The following EPHA5 variants were observed in gnomAD, a reference collection of about 807,000 sequenced individuals.
The protein encoded by EPHA5 is ephrin type-A receptor 5.
A neutral mutation model predicts 105.0 loss-of-function variants in EPHA5; 60 were observed. That is an observed-to-expected ratio of 0.57 (90% CI 0.46 to 0.71). EPHA5 has a LOEUF of 0.71. EPHA5 is among the 30% of genes least tolerant of loss of function. The pLI is 0.00. For missense variants in EPHA5, 1,218 were observed against 1,274.7 expected, an observed-to-expected ratio of 0.96 and a Z score of 0.68; for synonymous variants, 513 against 449.1, an observed-to-expected ratio of 1.14 and a Z score of -1.80.
At chr4:65,642,256 C>T (rs898636626) in intron 2 of EPHA5, among the ~76,000 whole-genome samples, 3 of 151,906 alleles carry the variant, frequency 2.0e-5, no homozygotes, top group African/African-American at 7.2e-5. Context: ...TATAGGTTCT[C>T]ATAGACAGAT....
intron 3 of EPHA5, among the ~76,000 whole-genome samples, chr4:65,509,594 T>A (rs2149257590): frequency 6.6e-6 from 1 of 152,330 alleles, no homozygotes; most frequent in East Asian, 1.9e-4. Flanking sequence ...CATATTAGAC[T>A]ATATTGTAAA....
chr4:65,610,846 T>C (rs1038677397), intron 2 of EPHA5, among the ~76,000 whole-genome samples: 1 of 152,158 alleles, frequency 6.6e-6, no homozygotes, highest in African/African-American at 2.4e-5. Context: ...TCTAGTTTAG[T>C]TCCATTATGG....
chr4:65,575,944 T>C (rs1195996990), intron 3 of EPHA5, among the ~76,000 whole-genome samples: 1 of 145,384 alleles, frequency 6.9e-6, no homozygotes, highest in Non-Finnish European at 1.5e-5. Context: ...GCCACTGCAC[T>C]GCAGTCTGGT....
At chr4:65,466,103 G>T (rs1475361645) in intron 5 of EPHA5, among the ~76,000 whole-genome samples, 2 of 152,242 alleles carry the variant, frequency 1.3e-5, no homozygotes, top group African/African-American at 4.8e-5. Context: ...GGTGAGAGAG[G>T]TTGTATGTGT....
chr4:65,361,151 G>T (rs1486281522), intron 11 of EPHA5, among the ~76,000 whole-genome samples: 1 of 151,548 alleles, frequency 6.6e-6, no homozygotes, highest in Non-Finnish European at 1.5e-5. Context: ...ATGTAGAACT[G>T]GGAAGTTTTC....
intron 1 of EPHA5, among the ~76,000 whole-genome samples, chr4:65,665,676 A>G (rs1749906295): frequency 6.6e-6 from 1 of 152,162 alleles, no homozygotes; most frequent in Admixed American, 6.6e-5. Context: ...TTTTAAATGC[A>G]GAAATTGTTC....
At chr4:65,471,524 T>C (rs949335716) in intron 5 of EPHA5, among the ~76,000 whole-genome samples, 2 of 152,206 alleles carry the variant, frequency 1.3e-5, no homozygotes, top group African/African-American at 2.4e-5. Flanking sequence ...TCTATAAAGA[T>C]ACTACCTGAG....
intron 8 of EPHA5, among the ~76,000 whole-genome samples, chr4:65,403,658 A>T (rs1722074246): frequency 6.6e-6 from 1 of 151,572 alleles, no homozygotes; most frequent in Non-Finnish European, 1.5e-5. Flanking sequence ...ATTTTTAAGG[A>T]GGTTGATTAT....
At chr4:65,418,970 G>A (rs899595957) in intron 6 of EPHA5, among the ~76,000 whole-genome samples, 1 of 133,066 alleles carries the variant, frequency 7.5e-6, no homozygotes, top group East Asian at 2.4e-4. Context: ...TGCAACCTCC[G>A]CTTCCTGGGT....
chr4:65,414,137 C>G (rs1379113971), intron 7 of EPHA5, 147 bp downstream of exon 7: 15 of 695,592 alleles, frequency 2.2e-5, no homozygotes, highest in Non-Finnish European at 3.4e-5. Flanking sequence ...AATAGCATGA[C>G]AGATGCTTCC....
At chr4:65,633,574 GA>G (rs1746843299) in intron 2 of EPHA5, among the ~76,000 whole-genome samples, 2 of 151,394 alleles carry the variant, frequency 1.3e-5, no homozygotes, top group African/African-American at 2.4e-5. Flanking sequence ...TTTTTCAAAA[GA>G]AAAATAACTT....
chr4:65,620,717 G>C (rs915108832), intron 2 of EPHA5, among the ~76,000 whole-genome samples: 1 of 152,134 alleles, frequency 6.6e-6, no homozygotes, highest in Non-Finnish European at 1.5e-5. Flanking sequence ...TCATGGTCTT[G>C]GTTGAAGTTT....
chr4:65,394,827 T>A (rs6833773), intron 8 of EPHA5, among the ~76,000 whole-genome samples: 21,578 of 152,112 alleles, frequency 0.14, 1,855 homozygotes, highest in East Asian at 0.23. Flanking sequence ...TGCTATGTAA[T>A]TAATGTTAGA....
At chr4:65,358,600 G>T (rs1417964877) in intron 11 of EPHA5, among the ~76,000 whole-genome samples, 1 of 151,516 alleles carries the variant, frequency 6.6e-6, no homozygotes, top group Non-Finnish European at 1.5e-5. Context: ...AATAGGTAAT[G>T]CTTATTAAAA....
At chr4:65,370,286 T>C (rs924862081) in intron 8 of EPHA5, among the ~76,000 whole-genome samples, 1 of 152,194 alleles carries the variant, frequency 6.6e-6, no homozygotes, top group Non-Finnish European at 1.5e-5. Flanking sequence ...GTTATTTTAA[T>C]ACATTGCTCA....
At position 65,321,692 on chromosome 4, in the gene EPHA5, CT is replaced by C. The variant is rs376653311; in HGVS notation, c.*2421del. 4.8e-3 allele frequency: 1,093 copies of C among 228,676 alleles called. 4 individuals carry two copies. The highest frequency in any genetic ancestry group is 9.1e-3 in the Middle Eastern group (7 of 770). 14.2% of individuals were successfully genotyped at this position (228,676 alleles called of 1,614,324 possible). A position where few individuals can be genotyped will look rare whatever the true frequency, so the allele number is the denominator to read the frequency against. ...TGATCCAAATTAATTTATATTCTTC[CT>C]TTGTTAAAAAGAGAAAATCTATATT... On this transcript the variant is annotated 3_prime_UTR_variant, in exon 17 of 17. Coordinates refer to ENST00000613740, the MANE Select transcript of EPHA5 (RefSeq NM_001281766.3).
At position 65,604,398 on chromosome 4, in the gene EPHA5, C is replaced by A. The variant is rs192280083; in HGVS notation, c.247-2094G>T. 1.1e-4 allele frequency among the ~76,000 whole-genome samples: 16 copies of A among 152,258 alleles called. No individual in the cohort carries two copies. In the East Asian group the frequency reaches 3.1e-3, roughly 29 times the overall value. The stretch of plus-strand genomic sequence containing the variant: ...TTAAGAAGATGGAAACTATAATTTT[C>A]TTTGAATTCAGAAACTGTCATGGTG... On this transcript the variant is annotated intron_variant, in intron 2 of 16. Coordinates refer to ENST00000613740, the MANE Select transcript of EPHA5 (RefSeq NM_001281766.3).
At chr4:65,592,409 C>A (rs1742753984) in intron 3 of EPHA5, among the ~76,000 whole-genome samples, 1 of 151,360 alleles carries the variant, frequency 6.6e-6, no homozygotes, top group South Asian at 2.1e-4. Context: ...CCCCAGAATC[C>A]AAGAGAAAAG....
intron 5 of EPHA5, among the ~76,000 whole-genome samples, chr4:65,437,740 C>T (rs1725616387): frequency 6.6e-6 from 1 of 151,866 alleles, no homozygotes; most frequent in Non-Finnish European, 1.5e-5. Flanking sequence ...AAGAATCCTA[C>T]CAGTGCCTCA....
Sources: allele counts gnomAD v4.1 joint callset (sites outside exome capture counted in the v4.1 genomes callset), GRCh38; gene constraint gnomAD v4.1.1; transcripts MANE v1.5; gene names NCBI Gene and HGNC (gene_info 2026-07-23, HGNC 2026-07-21).